The following AP3B2 variants were observed in gnomAD, a reference collection of about 807,000 sequenced individuals.
AP3B2 encodes the protein adaptor related protein complex 3 subunit beta 2.
AP3B2 carries 50 observed loss-of-function variants against 126.9 expected under a neutral mutation model. That is an observed-to-expected ratio of 0.39 (90% CI 0.31 to 0.50). AP3B2 has a LOEUF of 0.50. AP3B2 is among the 20% of genes least tolerant of loss of function. AP3B2 has a pLI of 0.79. For missense variants in AP3B2, 1,177 were observed against 1,426.4 expected, an observed-to-expected ratio of 0.83 and a Z score of 2.82; for synonymous variants, 541 against 565.0, an observed-to-expected ratio of 0.96 and a Z score of 0.60.
intron 14 of AP3B2, among the ~76,000 whole-genome samples, chr15:82,667,721 A>G (rs2048083999): frequency 6.6e-6 from 1 of 152,184 alleles, no homozygotes; most frequent in South Asian, 2.1e-4. Flanking sequence ...AATCTCCCCA[A>G]GCCTTCTGAG....
chr15:82,694,685 TA>T lies in AP3B2; in HGVS notation c.114-5233del, dbSNP rs202118889. The stretch of plus-strand genomic sequence containing the variant: ...AGGCAACAGAGCAAGAACCTGTCTC[TA>T]AAAAAAAAAAAAAACAAGAAGTACT... On this transcript the variant is annotated intron_variant, in intron 1 of 26. Transcript: ENST00000535359. Among the ~76,000 whole-genome samples, 670 of 129,324 alleles carry T rather than the reference TA, an allele frequency of 5.2e-3. 8 individuals carry two copies. The highest frequency in any genetic ancestry group is 0.049 in the East Asian group (223 of 4,586). 84.8% of individuals were successfully genotyped at this position (129,324 alleles called of 152,430 possible).
chr15:82,675,422 AAAG>A (rs754827149), intron 14 of AP3B2, among the ~76,000 whole-genome samples: 19 of 152,350 alleles, frequency 1.2e-4, no homozygotes, highest in Non-Finnish European at 2.6e-4. Context: ...ACAATGGATC[AAAG>A]AAGCCACTGA....
At chr15:82,702,266 G>A (rs2048729797) in intron 1 of AP3B2, among the ~76,000 whole-genome samples, 1 of 151,988 alleles carries the variant, frequency 6.6e-6, no homozygotes, top group Non-Finnish European at 1.5e-5. Flanking sequence ...TCCAAAGCTG[G>A]GCTCAACATT....
intron 1 of AP3B2, among the ~76,000 whole-genome samples, chr15:82,705,334 C>T (rs1374965786): frequency 5.9e-5 from 9 of 152,084 alleles, no homozygotes; most frequent in Admixed American, 5.9e-4. Flanking sequence ...TTACAATTCC[C>T]CCATTTTACC....
intron 14 of AP3B2, among the ~76,000 whole-genome samples, chr15:82,670,453 A>G (rs964563269): frequency 6.6e-6 from 1 of 152,154 alleles, no homozygotes; most frequent in African/African-American, 2.4e-5. Flanking sequence ...TACATTAGGG[A>G]AAGGAGAGTC....
chr15:82,702,747 G>C (rs1254464928), intron 1 of AP3B2, among the ~76,000 whole-genome samples: 2 of 152,114 alleles, frequency 1.3e-5, no homozygotes, highest in Non-Finnish European at 2.9e-5. Flanking sequence ...AAGCCTGTTG[G>C]GTGGTCTCTT....
chr15:82,660,869 T>C (rs1336963523), intron 25 of AP3B2, among the ~76,000 whole-genome samples: 2 of 152,210 alleles, frequency 1.3e-5, no homozygotes, highest in African/African-American at 2.4e-5. Flanking sequence ...TCCTCATTCA[T>C]GGCTAAAGTC....
chr15:82,669,029 G>A (rs549629082), intron 14 of AP3B2, among the ~76,000 whole-genome samples: 1 of 152,342 alleles, frequency 6.6e-6, no homozygotes, highest in South Asian at 2.1e-4. Context: ...CTAGATGGAT[G>A]TGGCAGACAG....
intron 13 of AP3B2, 143 bp downstream of exon 13, chr15:82,677,131 A>G: frequency 1.4e-6 from 1 of 712,936 alleles, no homozygotes. Context: ...TCAGGGTCAC[A>G]TGGTCCAGTG....
At chr15:82,670,991 T>G (rs1422615469) in intron 14 of AP3B2, among the ~76,000 whole-genome samples, 1 of 152,052 alleles carries the variant, frequency 6.6e-6, no homozygotes, top group Non-Finnish European at 1.5e-5. Context: ...AAATCAAAAC[T>G]ACAATGAAAG....
At position 82,662,913 on chromosome 15, in the gene AP3B2, G is replaced by C. The variant is rs2047979410; in HGVS notation, c.2614C>G (p.Pro872Ala). Residue 872 changes from proline to alanine, a missense_variant, in exon 23 of 27, where the codon CCA becomes GCA. Coordinates refer to ENST00000535359, the MANE Select transcript of AP3B2 (RefSeq NM_001278512.2). ...DSTLVPSLLS[P>A]VSGVGRQELL... is the part of the protein sequence containing the mutation. ...TCCTGCCGCCCAACACCCGATACTGGACTCAGAAGCTAGAGTGGAGGGGTA... is the reference window on the plus strand; with the variant it reads ...TCCTGCCGCCCAACACCCGATACTGCACTCAGAAGCTAGAGTGGAGGGGTA... 2.5e-6 allele frequency: 4 copies of C among 1,612,662 alleles called. No individual in the cohort carries two copies. The highest frequency in any genetic ancestry group is 3.4e-6 in the Non-Finnish European group (4 of 1,179,626).
At chr15:82,673,558 G>GA (rs200457565) in intron 14 of AP3B2, among the ~76,000 whole-genome samples, 1 of 151,214 alleles carries the variant, frequency 6.6e-6, no homozygotes, top group African/African-American at 2.4e-5. Context: ...TGTGAATGGG[G>GA]AAAAAAAAGT....
In AP3B2 at chr15:82,680,349, C is replaced by T; in HGVS notation, c.1056-120G>A. On this transcript the variant is annotated intron_variant, in intron 8 of 26. Coordinates refer to ENST00000535359, the MANE Select transcript of AP3B2 (RefSeq NM_001278512.2). The surrounding 1 kb of genome is among the most constrained non-coding windows in gnomAD (Gnocchi z 6.1). The stretch of plus-strand genomic sequence containing the variant: ...AGGACCAGTGCGGAGGGCAGGACTA[C>T]GGTCAGTGTGGAGCGGGTGGGCAGA... The T allele has an allele frequency of 2.0e-6, 3 of 1,514,518 alleles. No individual in the cohort carries two copies. Among genetic ancestry groups the T allele is most frequent in the Non-Finnish European group, 1.8e-6 (2 of 1,120,478 alleles). 93.8% of individuals were successfully genotyped at this position (1,514,518 alleles called of 1,614,324 possible).
chr15:82,665,363 G>C lies in AP3B2; in HGVS notation c.1972-60C>G, dbSNP rs1242485152. 4 of 1,555,820 alleles carry C rather than the reference G, an allele frequency of 2.6e-6. No individual in the cohort carries two copies. The highest frequency in any genetic ancestry group is 2.6e-6 in the Non-Finnish European group (3 of 1,145,654). ...GCCGGCACTGCCAGGGCTCCCTACT[G>C]TCTGCCCCCACCAACACACACACAC... is the stretch of plus-strand genomic sequence containing the variant. On this transcript the variant is annotated intron_variant, in intron 16 of 26. Coordinates refer to ENST00000535359, the MANE Select transcript of AP3B2 (RefSeq NM_001278512.2). The surrounding 1 kb of genome is among the most constrained non-coding windows in gnomAD (Gnocchi z 4.4).
At chr15:82,692,117 A>G in intron 1 of AP3B2, 4 of 1,489,352 alleles carry the variant, frequency 2.7e-6, no homozygotes, top group Non-Finnish European at 3.7e-6. Flanking sequence ...CGACTTCGTA[A>G]GTCCTGGAGA....
intron 12 of AP3B2, 25 bp downstream of exon 12, chr15:82,677,646 G>A (rs921750744): frequency 1.3e-6 from 2 of 1,508,752 alleles, no homozygotes; most frequent in African/African-American, 2.8e-5. Flanking sequence ...GATCATCACG[G>A]TTAGACACTC....
At chr15:82,679,922 ACTC>A in intron 9 of AP3B2, 122 bp from the exon 10 acceptor site, 1 of 957,618 alleles carries the variant, frequency 1.0e-6, no homozygotes, top group Non-Finnish European at 1.6e-6. Flanking sequence ...ACTGCCCTCC[ACTC>A]CTCAAGTCTT....
At chr15:82,677,541 T>A in intron 12 of AP3B2, 130 bp downstream of exon 12, 1 of 1,412,218 alleles carries the variant, frequency 7.1e-7, no homozygotes, top group Non-Finnish European at 9.5e-7. Context: ...TGGGCCCTGA[T>A]CAAGACAGAC....
chr15:82,697,474 T>A (rs1222801965), intron 1 of AP3B2, among the ~76,000 whole-genome samples: 1 of 152,026 alleles, frequency 6.6e-6, no homozygotes, highest in Non-Finnish European at 1.5e-5. Context: ...AAGTGGCAAA[T>A]GACTGCTGCT....
Sources: allele counts gnomAD v4.1 joint callset (sites outside exome capture counted in the v4.1 genomes callset), GRCh38; gene constraint gnomAD v4.1.1; non-coding constraint Gnocchi (gnomAD v3.1); transcripts MANE v1.5; gene names NCBI Gene and HGNC (gene_info 2026-07-23, HGNC 2026-07-21).